BMP8B: variants seen among roughly 807,000 people sequenced by gnomAD.
The protein encoded by BMP8B is bone morphogenetic protein 8 (osteogenic protein 2).
In BMP8B, 17 loss-of-function variants were observed where a neutral mutation model predicts 30.3. The ratio of observed to expected loss-of-function variants is 0.56; its 90% CI spans 0.38 to 0.84. The LOEUF is 0.84. Among genes scored for constraint, BMP8B ranks in the 40% least tolerant of loss-of-function variants. The pLI is 0.00. For missense variants in BMP8B, 253 were observed against 494.6 expected, an observed-to-expected ratio of 0.51 and a Z score of 4.63; for synonymous variants, 131 against 214.7, an observed-to-expected ratio of 0.61 and a Z score of 3.41.
At chr1:39,780,079 CCGAGA>C (rs762343068) in intron 1 of BMP8B, among the ~76,000 whole-genome samples, 226 of 152,306 alleles carry the variant, frequency 1.5e-3, no homozygotes, top group Non-Finnish European at 2.9e-3. Context: ...AACGAGGCAT[CCGAGA>C]GATGGAAGCC....
At chr1:39,771,748 C>G (rs1167234754) in intron 3 of BMP8B, among the ~76,000 whole-genome samples, 1 of 147,508 alleles carries the variant, frequency 6.8e-6, no homozygotes, top group Non-Finnish European at 1.5e-5. Context: ...AGTGCCTGCC[C>G]CACTACAGCC....
intron 1 of BMP8B, among the ~76,000 whole-genome samples, chr1:39,779,254 G>A (rs1233277451): frequency 2.0e-5 from 3 of 152,202 alleles, no homozygotes; most frequent in Non-Finnish European, 4.4e-5. Context: ...GGCACCCATT[G>A]TCGGCCCGCA....
chr1:39,773,387 GGTTT>G (rs574751314), intron 3 of BMP8B, among the ~76,000 whole-genome samples: 3,222 of 55,708 alleles, frequency 0.058, 1,344 homozygotes, highest in Non-Finnish European at 0.098. Flanking sequence ...CTTCTCTTTG[GGTTT>G]GTTTGACGGT....
Position 39,774,981 on chromosome 1 carries a change from T to C in BMP8B, c.392A>G (p.Asp131Gly). The change falls in exon 2 of 7, where the codon GAC becomes GGC. Residue 131 changes from aspartate to glycine, a missense_variant. Around this residue, in one of 7 missense-constraint regions of BMP8B, gnomAD observed 21 missense variants for 83.0 expected, o/e 0.25. Transcript: ENST00000372827. ...CTCCCCAGCCGGGATCTGGGTCAGG[T>C]CAAAGCGGAACTCCTTCCAATGGGG... ...QEPHWKEFRF[D>G]LTQIPAGEAV... 1.4e-6 allele frequency: 2 copies of C among 1,434,712 alleles called. No individual in the cohort carries two copies. The highest frequency in any genetic ancestry group is 1.9e-6 in the Non-Finnish European group (2 of 1,067,092). 88.9% of individuals were successfully genotyped at this position (1,434,712 alleles called of 1,614,324 possible). A position where few individuals can be genotyped will look rare whatever the true frequency, so the allele number is the denominator to read the frequency against.
intron 3 of BMP8B, among the ~76,000 whole-genome samples, chr1:39,767,944 A>C (rs540525957): frequency 7.6e-4 from 108 of 142,762 alleles, no homozygotes; most frequent in African/African-American, 2.6e-3. Flanking sequence ...GGGCCCCTGG[A>C]AAGTCTGTCC....
In BMP8B at chr1:39,760,023, G is replaced by GGTC; in HGVS notation, c.*395_*396insGAC. On this transcript the variant is annotated 3_prime_UTR_variant, in exon 7 of 7. Transcript: ENST00000372827. ...TGATGGATGGTGAAGAGCTCAAGGT[G>GGTC]GCCAACAGTGGGCTCCAGGTGCCTC... is the stretch of plus-strand genomic sequence containing the variant. 4.1e-6 allele frequency: 1 copy of GGTC among 242,714 alleles called. No homozygotes were observed. The highest frequency in any genetic ancestry group is 8.2e-6 in the Non-Finnish European group (1 of 122,342). 15.0% of individuals were successfully genotyped at this position (242,714 alleles called of 1,614,324 possible). A position where few individuals can be genotyped will look rare whatever the true frequency, so the allele number is the denominator to read the frequency against.
intron 6 of BMP8B, chr1:39,762,575 AAG>A: frequency 6.4e-7 from 1 of 1,550,400 alleles, no homozygotes; most frequent in Non-Finnish European, 8.7e-7. Flanking sequence ...AAAGATGGCC[AAG>A]AGAGAAACTG....
rs574325440 is a variant in BMP8B, at chr1:39,784,165, T to C, written c.334+3987A>G. 1.2e-3 allele frequency among the ~76,000 whole-genome samples: 176 copies of C among 152,248 alleles called. 1 individual carries two copies. The highest frequency in any genetic ancestry group is 4.0e-3 in the African/African-American group (166 of 41,546). On this transcript the variant is annotated intron_variant, in intron 1 of 6. Transcript: ENST00000372827. ...CTTTCAAACACAGATGTGACGGCAA[T>C]TGTGAGATACCAATGAAGGAAGAGA...
Position 39,788,666 on chromosome 1 carries a change from G to T in BMP8B, c.-181C>A. 4.6e-6 allele frequency: 2 copies of T among 432,260 alleles called. No individual in the cohort carries two copies. The highest frequency in any genetic ancestry group is 9.6e-5 in the South Asian group (1 of 10,454). 26.8% of individuals were successfully genotyped at this position (432,260 alleles called of 1,614,324 possible). ...GCGGTCCCTGGAGCGCCCGCCGCGC[G>T]ACACCTGTCCTGGCTCCTGGACGAG... On this transcript the variant is annotated 5_prime_UTR_variant, in exon 1 of 7. Coordinates refer to ENST00000372827, the MANE Select transcript of BMP8B (RefSeq NM_001720.5). This position sits in a 1 kb window ranked among gnomAD's most constrained non-coding sequence, Gnocchi z 5.8.
rs377691729 is a variant in BMP8B at position 39,762,000 on chromosome 1, C to T, written c.1059+1092G>A. Among the ~76,000 whole-genome samples, 100 of 152,318 alleles carry T rather than the reference C, an allele frequency of 6.6e-4. 1 individual carries two copies. The South Asian group carries it at 0.013, about 21-fold the overall frequency. ...GGAGCTGCAGATGCAGTCACCTTCC[C>T]GCGTGCCTCCCACACATGCAGCCAT... is the stretch of plus-strand genomic sequence containing the variant. On this transcript the variant is annotated intron_variant, in intron 6 of 6. Transcript: ENST00000372827.
rs769227641 is a variant in BMP8B at position 39,760,401 on chromosome 1, T to C, written c.*18A>G. On this transcript the variant is annotated 3_prime_UTR_variant, in exon 7 of 7. Coordinates refer to ENST00000372827, the MANE Select transcript of BMP8B (RefSeq NM_001720.5). ...TCCAGATGAGAAGGGTGGCTGCAGC[T>C]GGGCCGGGCGGGTGGACTCAGTGGC... 1.9e-6 allele frequency: 3 copies of C among 1,613,092 alleles called. No homozygotes were observed. Among genetic ancestry groups the C allele is most frequent in the Admixed American group, 3.3e-5 (2 of 60,016 alleles).
At chr1:39,775,373 C>T (rs961787901) in intron 1 of BMP8B, among the ~76,000 whole-genome samples, 13 of 152,134 alleles carry the variant, frequency 8.5e-5, no homozygotes, top group African/African-American at 3.1e-4. Flanking sequence ...GAGGAGGGAG[C>T]CTCCTCTGGG....
chr1:39,781,449 C>T (rs1262048006), intron 1 of BMP8B, among the ~76,000 whole-genome samples: 3 of 152,224 alleles, frequency 2.0e-5, no homozygotes, highest in East Asian at 3.8e-4. Flanking sequence ...CATAATTTTA[C>T]ACAGATTAAC....
intron 1 of BMP8B, among the ~76,000 whole-genome samples, chr1:39,786,390 C>A (rs1191587164): frequency 1.3e-5 from 2 of 152,228 alleles, no homozygotes; most frequent in Non-Finnish European, 2.9e-5. Flanking sequence ...TCCTGCCCCT[C>A]TACCAATCAC....
Position 39,757,322 on chromosome 1 carries a change from T to C in BMP8B, c.*3097A>G, listed in dbSNP as rs908397096. The C allele has an allele frequency of 1.3e-5, 2 of 152,270 alleles. No individual in the cohort carries two copies. The highest frequency in any genetic ancestry group is 2.9e-5 in the Non-Finnish European group (2 of 68,056). The allele number at this position is 152,270 out of a possible 1,614,324, so 9.4% of individuals were successfully genotyped here. A position where few individuals can be genotyped will look rare whatever the true frequency, so the allele number is the denominator to read the frequency against. ...CAAAGATTTGTGTACATATTTAGTC[T>C]TTATAATAGCTTTGGGAGGAAAGAA... On this transcript the variant is annotated 3_prime_UTR_variant, in exon 7 of 7. Transcript: ENST00000372827.
intron 6 of BMP8B, chr1:39,762,684 G>A (rs1217411809): frequency 8.7e-6 from 13 of 1,493,544 alleles, no homozygotes; most frequent in South Asian, 4.0e-5. Context: ...CCCACACACT[G>A]TGCACACATA....
intron 1 of BMP8B, among the ~76,000 whole-genome samples, chr1:39,776,096 G>A (rs1328618226): frequency 6.6e-6 from 1 of 152,288 alleles, no homozygotes; most frequent in Non-Finnish European, 1.5e-5. Flanking sequence ...GGAAGCACAG[G>A]GGACGGGGGC....
intron 1 of BMP8B, among the ~76,000 whole-genome samples, chr1:39,786,143 C>T (rs996600828): frequency 2.6e-5 from 4 of 152,196 alleles, no homozygotes; most frequent in African/African-American, 4.8e-5. Context: ...AACAGTCTCA[C>T]ATGAGTTAAA....
At chr1:39,783,766 T>C (rs1424926805) in intron 1 of BMP8B, among the ~76,000 whole-genome samples, 3 of 152,128 alleles carry the variant, frequency 2.0e-5, no homozygotes, top group African/African-American at 7.2e-5. Flanking sequence ...AGCAATTAGT[T>C]GGACATGGTG....
Sources: gnomAD v4.1 joint callset for allele counts (sites outside exome capture counted in the v4.1 genomes callset) on GRCh38, gnomAD v4.1.1 for gene constraint, gnomAD v4.1.1 regional missense constraint, Gnocchi (gnomAD v3.1) non-coding constraint, MANE v1.5 for transcripts, NCBI Gene and HGNC (gene_info 2026-07-23, HGNC 2026-07-21) for gene names.